HIBADH: variants seen among roughly 807,000 people sequenced by gnomAD.
HIBADH encodes 3-hydroxyisobutyrate dehydrogenase.
HIBADH carries 25 observed loss-of-function variants against 36.1 expected under a neutral mutation model. The ratio of observed to expected loss-of-function variants is 0.69; its 90% CI spans 0.50 to 0.97. HIBADH has a LOEUF of 0.97. Ranked by LOEUF, HIBADH falls within the 50% of genes least tolerant of loss-of-function variation. The pLI is 0.00. For synonymous variants in HIBADH, 160 were observed against 149.5 expected, an observed-to-expected ratio of 1.07 and a Z score of -0.51; for missense variants, 421 against 418.0, an observed-to-expected ratio of 1.01 and a Z score of -0.06.
chr7:27,531,385 A>C, intron 6 of HIBADH, 37 bp from the exon 7 acceptor site: 1 of 1,578,388 alleles, frequency 6.3e-7, no homozygotes, highest in African/African-American at 1.3e-5. Flanking sequence ...TTAAGTGTCA[A>C]AATGTACACG....
intron 4 of HIBADH, among the ~76,000 whole-genome samples, chr7:27,627,123 G>C (rs1192060755): frequency 6.6e-6 from 1 of 152,172 alleles, no homozygotes; most frequent in Non-Finnish European, 1.5e-5. Flanking sequence ...CTAACCAAGG[G>C]TCATGCGGCA....
chr7:27,579,350 A>T (rs1784758295), intron 4 of HIBADH, among the ~76,000 whole-genome samples: 1 of 152,212 alleles, frequency 6.6e-6, no homozygotes, highest in Admixed American at 6.5e-5. Flanking sequence ...ATTGAAATTT[A>T]AAATATAACA....
At chr7:27,533,326 G>A (rs1348123618) in intron 6 of HIBADH, among the ~76,000 whole-genome samples, 1 of 152,028 alleles carries the variant, frequency 6.6e-6, no homozygotes, top group Non-Finnish European at 1.5e-5. Context: ...AACCCTTTCT[G>A]GTGAACACAT....
chr7:27,624,391 C>T (rs1422522234), intron 4 of HIBADH, among the ~76,000 whole-genome samples: 1 of 152,186 alleles, frequency 6.6e-6, no homozygotes, highest in Non-Finnish European at 1.5e-5. Context: ...GTTTATAACA[C>T]TTGTACTAAA....
chr7:27,632,902 G>T (rs1785771679), intron 2 of HIBADH, among the ~76,000 whole-genome samples: 1 of 151,776 alleles, frequency 6.6e-6, no homozygotes, highest in Admixed American at 6.6e-5. Flanking sequence ...TCAAGTCCCA[G>T]TCCCCACCAT....
At chr7:27,534,939 A>G (rs775993889) in intron 6 of HIBADH, among the ~76,000 whole-genome samples, 17 of 150,982 alleles carry the variant, frequency 1.1e-4, no homozygotes, top group Non-Finnish European at 1.9e-4. Context: ...TATAAATGAG[A>G]AAAGCTTAAG....
At chr7:27,527,961 C>T (rs1375948463) in intron 7 of HIBADH, among the ~76,000 whole-genome samples, 3 of 115,738 alleles carry the variant, frequency 2.6e-5, no homozygotes, top group African/African-American at 1.1e-4. Context: ...CAGGGTTTCA[C>T]CATGTTGGCC....
At chr7:27,650,298 A>G (rs1054302778) in intron 1 of HIBADH, among the ~76,000 whole-genome samples, 1 of 151,576 alleles carries the variant, frequency 6.6e-6, no homozygotes, top group South Asian at 2.1e-4. Context: ...AAAAACTCAA[A>G]AAGATGTTAA....
intron 2 of HIBADH, among the ~76,000 whole-genome samples, chr7:27,638,691 A>G (rs1785902054): frequency 7.0e-6 from 1 of 142,494 alleles, no homozygotes; most frequent in Non-Finnish European, 1.5e-5. Context: ...TTTGCAAACT[A>G]TGCATCCCAC....
chr7:27,553,310 G>A (rs749446257), intron 4 of HIBADH, among the ~76,000 whole-genome samples: 13 of 152,136 alleles, frequency 8.5e-5, no homozygotes, highest in Non-Finnish European at 1.8e-4. Flanking sequence ...GAAGAGAAGC[G>A]GTCGATAGAT....
At chr7:27,636,977 A>G (rs1441968045) in intron 2 of HIBADH, among the ~76,000 whole-genome samples, 1 of 152,232 alleles carries the variant, frequency 6.6e-6, no homozygotes, top group Non-Finnish European at 1.5e-5. Flanking sequence ...TATAATCAAG[A>G]ATGAAAATAC....
rs117062984 is a variant in HIBADH, at chr7:27,559,130, T to C, written c.485-16030A>G. Among the ~76,000 whole-genome samples the C allele has an allele frequency of 2.3e-4, 35 of 152,304 alleles. No individual in the cohort carries two copies. In the East Asian group the frequency reaches 5.8e-3, roughly 25 times the overall value. On this transcript the variant is annotated intron_variant, in intron 4 of 7. Transcript: ENST00000265395. ...CTGTGTCTTCCCATCATCTTCCTTTTATGTGTGTGTCTAAATTTCCCCTTT... is the reference window on the plus strand; with the variant it reads ...CTGTGTCTTCCCATCATCTTCCTTTCATGTGTGTGTCTAAATTTCCCCTTT...
chr7:27,601,164 T>C (rs1436276091), intron 4 of HIBADH, among the ~76,000 whole-genome samples: 1 of 152,084 alleles, frequency 6.6e-6, no homozygotes, highest in African/African-American at 2.4e-5. Context: ...TTTAACATAA[T>C]CTAGAAAGTA....
chr7:27,573,220 T>G (rs891789599), intron 4 of HIBADH, among the ~76,000 whole-genome samples: 2 of 152,198 alleles, frequency 1.3e-5, no homozygotes, highest in Non-Finnish European at 2.9e-5. Flanking sequence ...TTTCTAATTC[T>G]CAACTTTGAA....
chr7:27,531,307 A>G lies in HIBADH; in HGVS notation c.737T>C (p.Met246Thr). ...DPKLLAKILN[M>T]SSGRCWSSDT... Reference sequence around the variant, plus strand: ...ACTTGACCAACACCGTCCTGAGCTCATATTTAGGATTTTAGCCAGTAGTTT... The same window carrying G: ...ACTTGACCAACACCGTCCTGAGCTCGTATTTAGGATTTTAGCCAGTAGTTT... Residue 246 changes from methionine to threonine, a missense_variant, in exon 7 of 8, where the codon ATG becomes ACG. Coordinates refer to ENST00000265395, the MANE Select transcript of HIBADH (RefSeq NM_152740.4). 2.5e-6 allele frequency: 4 copies of G among 1,613,532 alleles called. No individual in the cohort carries two copies. Among genetic ancestry groups the G allele is most frequent in the Non-Finnish European group, 2.5e-6 (3 of 1,179,658 alleles).
intron 3 of HIBADH, among the ~76,000 whole-genome samples, chr7:27,631,248 G>C (rs570984269): frequency 1.3e-5 from 2 of 152,232 alleles, no homozygotes; most frequent in South Asian, 4.1e-4. Flanking sequence ...GGATGCCTCT[G>C]GACCACACAC....
intron 4 of HIBADH, among the ~76,000 whole-genome samples, chr7:27,583,741 T>C (rs563854086): frequency 6.6e-6 from 1 of 152,174 alleles, no homozygotes; most frequent in Non-Finnish European, 1.5e-5. Context: ...TTAGGATTTC[T>C]TTATACTCTT....
At chr7:27,659,545 T>C (rs905729329) in intron 1 of HIBADH, among the ~76,000 whole-genome samples, 3 of 151,514 alleles carry the variant, frequency 2.0e-5, no homozygotes, top group African/African-American at 7.3e-5. Flanking sequence ...TGAGACCCCA[T>C]CTCTACAAAA....
intron 4 of HIBADH, among the ~76,000 whole-genome samples, chr7:27,575,169 C>T (rs1336060872): frequency 1.3e-5 from 2 of 152,124 alleles, no homozygotes; most frequent in Non-Finnish European, 2.9e-5. Context: ...GAAATTTTAG[C>T]ACTCTTGATT....
Sources: gnomAD v4.1 joint callset for allele counts (sites outside exome capture counted in the v4.1 genomes callset) on GRCh38, gnomAD v4.1.1 for gene constraint, MANE v1.5 for transcripts, NCBI Gene and HGNC (gene_info 2026-07-23, HGNC 2026-07-21) for gene names.